THSD1: variants seen among roughly 807,000 people sequenced by gnomAD.
THSD1 encodes thrombospondin type 1 domain containing 1.
THSD1 carries 34 observed loss-of-function variants against 46.3 expected under a neutral mutation model. That is an observed-to-expected ratio of 0.74 (90% CI 0.56 to 0.98). The LOEUF (loss-of-function observed/expected upper bound fraction) is 0.98, where lower values mean the gene tolerates loss of function less well. Ranked by LOEUF, THSD1 falls within the 50% of genes least tolerant of loss-of-function variation. THSD1 has a pLI of 0.00. For synonymous variants in THSD1, 407 were observed against 416.5 expected (o/e 0.98, Z 0.28); for missense variants, 1,023 against 1,058.3 (o/e 0.97, Z 0.46).
At position 52,377,356 on chromosome 13, in the gene THSD1, C is replaced by G; in HGVS notation, c.*55G>C. The G allele has an allele frequency of 6.8e-7, 1 of 1,468,140 alleles. No individual in the cohort carries two copies. The highest frequency in any genetic ancestry group is 1.4e-5 in the African/African-American group (1 of 71,034). 90.9% of individuals were successfully genotyped at this position (1,468,140 alleles called of 1,614,324 possible). On this transcript the variant is annotated 3_prime_UTR_variant, in exon 5 of 5. Coordinates refer to ENST00000258613, the MANE Select transcript of THSD1 (RefSeq NM_018676.4). ...ACGGTACAAATAGTTACACAAAAGTCTACAAAACGCGAGTAGCAGACCCCA... is the reference window on the plus strand; with the variant it reads ...ACGGTACAAATAGTTACACAAAAGTGTACAAAACGCGAGTAGCAGACCCCA...
chr13:52,390,110 C>T (rs1164735805), intron 3 of THSD1, among the ~76,000 whole-genome samples: 2 of 148,770 alleles, frequency 1.3e-5, no homozygotes. Flanking sequence ...CACTGTACTC[C>T]AGCCTTGGCA....
chr13:52,404,237 C>T (rs1018649716), intron 1 of THSD1, among the ~76,000 whole-genome samples: 34 of 152,294 alleles, frequency 2.2e-4, no homozygotes, highest in African/African-American at 7.9e-4. Flanking sequence ...TGAGCCACCA[C>T]ACCCAGCCCA....
chr13:52,383,459 G>C (rs1392242777), intron 4 of THSD1, among the ~76,000 whole-genome samples: 2 of 152,226 alleles, frequency 1.3e-5, no homozygotes, highest in Admixed American at 1.3e-4. Context: ...AGTAAAAACA[G>C]TTGAATGATG....
In THSD1 at chr13:52,378,621, C is replaced by G. The variant is rs1371156565; in HGVS notation, c.1349G>C (p.Arg450Pro). The change falls in exon 5 of 5, where the codon CGA (arginine) becomes CCA (proline). Residue 450 changes from arginine (R) to proline (P), a missense_variant. Around this residue, in one of 3 missense-constraint regions of THSD1, gnomAD observed 578 missense variants for 497.4 expected, o/e 1.16. Coordinates refer to ENST00000258613, the MANE Select transcript of THSD1 (RefSeq NM_018676.4). ...GRPAKCSTPARHNSIHSPSFR... is the reference protein window; with the variant it reads ...GRPAKCSTPAPHNSIHSPSFR... ...GCTGGGGGAGTGGATGGAGTTGTGT[C>G]GAGCAGGTGTGCTGCACTTGGCTGG... 1 of 1,614,050 alleles carries G rather than the reference C, an allele frequency of 6.2e-7. No homozygotes were observed. The highest frequency in any genetic ancestry group is 8.5e-7 in the Non-Finnish European group (1 of 1,180,012).
intron 4 of THSD1, 81 bp downstream of exon 4, chr13:52,385,947 A>G (rs1321410202): frequency 1.5e-6 from 2 of 1,318,984 alleles, no homozygotes; most frequent in Admixed American, 2.3e-5. Context: ...TAGACTGGTA[A>G]CTCTCAGGCA....
intron 3 of THSD1, among the ~76,000 whole-genome samples, chr13:52,395,884 C>G (rs1957806196): frequency 6.6e-6 from 1 of 152,202 alleles, no homozygotes; most frequent in African/African-American, 2.4e-5. Flanking sequence ...ACGGTGGCAT[C>G]AGGCCACCAT....
intron 3 of THSD1, among the ~76,000 whole-genome samples, chr13:52,387,367 T>C (rs1957740462): frequency 6.6e-6 from 1 of 152,174 alleles, no homozygotes. Flanking sequence ...TATGACCATT[T>C]CCAGGCATAA....
At chr13:52,398,314 AGG>A in intron 2 of THSD1, 120 bp from the exon 3 acceptor site, 25 of 1,460,028 alleles carry the variant, frequency 1.7e-5, no homozygotes, top group Non-Finnish European at 2.3e-5. Context: ...GCTGTCACCG[AGG>A]CTAGAGTGCA....
At chr13:52,381,720 G>C (rs1437674800) in intron 4 of THSD1, among the ~76,000 whole-genome samples, 2 of 152,130 alleles carry the variant, frequency 1.3e-5, no homozygotes. Context: ...ATCTCCAGCT[G>C]CTCCTCTATT....
chr13:52,398,550 C>T, intron 2 of THSD1: 20 of 985,232 alleles, frequency 2.0e-5, no homozygotes, highest in Non-Finnish European at 2.4e-5. Context: ...CAGAAAACAG[C>T]ATTTTAGACA....
intron 4 of THSD1, among the ~76,000 whole-genome samples, chr13:52,383,726 T>C (rs1957709174): frequency 6.6e-6 from 1 of 152,248 alleles, no homozygotes; most frequent in Non-Finnish European, 1.5e-5. Context: ...AATACATCTT[T>C]ACATTTCCAA....
At chr13:52,382,987 C>A (rs1210076751) in intron 4 of THSD1, among the ~76,000 whole-genome samples, 1 of 150,692 alleles carries the variant, frequency 6.6e-6, no homozygotes, top group African/African-American at 2.5e-5. Context: ...GGCAACACAG[C>A]AAGACTCTGT....
In THSD1 at chr13:52,377,807, T is replaced by C. The variant is rs1202917084; in HGVS notation, c.2163A>G (p.Pro721=). 6.2e-7 allele frequency: 1 copy of C among 1,614,074 alleles called. No homozygotes were observed. The highest frequency in any genetic ancestry group is 1.3e-5 in the African/African-American group (1 of 74,944). ...TGTAGGATTTAGGGAGAGGGTTTAA[T>C]GGACCACGGGTTCCACTTGCCTCTT... ...HFQEASGTRG[P]LNPLPKSYTL... The change falls in exon 5 of 5, where the codon CCA becomes CCG. Residue 721 remains proline, a synonymous_variant. Coordinates refer to ENST00000258613, the MANE Select transcript of THSD1 (RefSeq NM_018676.4).
rs1256209914 is a variant in THSD1, at chr13:52,377,945, T to C, written c.2025A>G (p.Pro675=). 6.2e-7 allele frequency: 1 copy of C among 1,614,176 alleles called. No individual in the cohort carries two copies. The highest frequency in any genetic ancestry group is 1.7e-5 in the Admixed American group (1 of 60,020). ...TAGAGCTGTAGGCAGGGGCCTGCCG[T>C]GGAGTCAGAGTGGACATGCTCCTCT... is the stretch of plus-strand genomic sequence containing the variant. ...FRERSMSTLT[P]RQAPAYSSRT... Residue 675 remains proline, a synonymous_variant, in exon 5 of 5, where the codon CCA becomes CCG. Transcript: ENST00000258613.
At chr13:52,396,252 A>G (rs1366814604) in intron 3 of THSD1, among the ~76,000 whole-genome samples, 3 of 152,160 alleles carry the variant, frequency 2.0e-5, no homozygotes, top group South Asian at 2.1e-4. Flanking sequence ...GGCTGGGCGC[A>G]GTGGCTCATG....
chr13:52,378,561 T>C lies in THSD1; in HGVS notation c.1409A>G (p.Glu470Gly). 3.7e-6 allele frequency: 6 copies of C among 1,614,110 alleles called. No individual in the cohort carries two copies. The highest frequency in any genetic ancestry group is 5.1e-6 in the Non-Finnish European group (6 of 1,180,024). Reference sequence around the variant, plus strand: ...GAAGCTCCCGCGCTGCTCGCTCAGCTCGCAGATATTCTCCTCGTCCGAGTT... The same window carrying C: ...GAAGCTCCCGCGCTGCTCGCTCAGCCCGCAGATATTCTCCTCGTCCGAGTT... ...RKNSDEENIC[E>G]LSEQRGSFSD... is the part of the protein sequence containing the mutation. The change falls in exon 5 of 5, where the codon GAG becomes GGG. Residue 470 changes from glutamate to glycine, a missense_variant. Glu to Gly is a moderately conservative substitution (Grantham distance 98, BLOSUM62 -2). Transcript: ENST00000258613.
At chr13:52,397,193 GGATTT>G (rs1957818354) in intron 3 of THSD1, 34 bp downstream of exon 3, 2 of 1,476,818 alleles carry the variant, frequency 1.4e-6, no homozygotes, top group South Asian at 1.4e-5. Flanking sequence ...ATTACATGAA[GGATTT>G]GATTTAAAAT....
At chr13:52,396,373 T>C (rs1039066604) in intron 3 of THSD1, among the ~76,000 whole-genome samples, 1 of 151,962 alleles carries the variant, frequency 6.6e-6, no homozygotes. Flanking sequence ...AATACAAAAA[T>C]TAGCCGGGCA....
intron 4 of THSD1, among the ~76,000 whole-genome samples, chr13:52,382,976 G>A (rs1361564680): frequency 2.6e-5 from 4 of 151,796 alleles, no homozygotes; most frequent in Non-Finnish European, 1.5e-5. Context: ...ACTCCAGCCT[G>A]GGCAACACAG....
Sources: gnomAD v4.1 joint callset for allele counts (sites outside exome capture counted in the v4.1 genomes callset) on GRCh38, gnomAD v4.1.1 for gene constraint, gnomAD v4.1.1 regional missense constraint, MANE v1.5 for transcripts, NCBI Gene and HGNC (gene_info 2026-07-23, HGNC 2026-07-21) for gene names.